PDE4B: variants seen among roughly 807,000 people sequenced by gnomAD.
PDE4B encodes the protein phosphodiesterase 4B, also known as 3',5'-cyclic-AMP phosphodiesterase 4B.
Under a neutral mutation model 82.2 loss-of-function variants are expected in PDE4B, and 20 were observed. The observed-to-expected ratio is 0.24, with a 90% CI of 0.17 to 0.35. PDE4B has a LOEUF of 0.35. Ranked by LOEUF, PDE4B falls within the 10% of genes least tolerant of loss-of-function variation. PDE4B has a pLI of 1.00. For missense variants in PDE4B, 655 were observed against 907.2 expected (o/e 0.72, Z 3.57); for synonymous variants, 320 against 318.9 (o/e 1.00, Z -0.04).
chr1:65,846,917 C>T (rs1646273855), intron 1 of PDE4B, among the ~76,000 whole-genome samples: 1 of 152,130 alleles, frequency 6.6e-6, no homozygotes, highest in Non-Finnish European at 1.5e-5. Context: ...AAAAACAGTA[C>T]ATTCTTTGTG....
chr1:65,948,378 G>A (rs1411772045), intron 3 of PDE4B, among the ~76,000 whole-genome samples: 1 of 151,900 alleles, frequency 6.6e-6, no homozygotes, highest in Non-Finnish European at 1.5e-5. Flanking sequence ...ACAATAGGAT[G>A]CCTGCAAGCT....
intron 3 of PDE4B, among the ~76,000 whole-genome samples, chr1:66,026,642 G>C (rs903846733): frequency 2.0e-5 from 3 of 152,262 alleles, no homozygotes; most frequent in African/African-American, 7.2e-5. Context: ...ACTACTATGT[G>C]GTTGCTATTA....
chr1:66,268,165 T>C (rs1655189163), intron 7 of PDE4B, among the ~76,000 whole-genome samples: 1 of 152,210 alleles, frequency 6.6e-6, no homozygotes, highest in South Asian at 2.1e-4. Flanking sequence ...CTTAGATAAC[T>C]GTATTCTTGT....
intron 3 of PDE4B, among the ~76,000 whole-genome samples, chr1:65,960,194 T>A (rs1649476677): frequency 6.6e-6 from 1 of 152,142 alleles, no homozygotes; most frequent in Non-Finnish European, 1.5e-5. Context: ...CTTTTAGAGT[T>A]GTTGTTTCAC....
chr1:66,075,513 T>G (rs1397251697), intron 3 of PDE4B, among the ~76,000 whole-genome samples: 1 of 152,126 alleles, frequency 6.6e-6, no homozygotes, highest in African/African-American at 2.4e-5. Context: ...TCCCTCTTTT[T>G]GAGAGATTTA....
intron 1 of PDE4B, among the ~76,000 whole-genome samples, chr1:65,884,197 G>A (rs945131151): frequency 9.9e-5 from 15 of 151,376 alleles, no homozygotes; most frequent in South Asian, 2.1e-4. Flanking sequence ...GGATTCCCTC[G>A]TTTTCTATTG....
upstream of PDE4B, among the ~76,000 whole-genome samples, chr1:65,792,830 A>T (rs544905778): frequency 4.6e-5 from 7 of 151,984 alleles, no homozygotes; most frequent in Non-Finnish European, 1.0e-4. Flanking sequence ...ACCAAGTGGC[A>T]CCGGCGAGCT....
intron 1 of PDE4B, among the ~76,000 whole-genome samples, chr1:65,902,977 C>T (rs1404254895): frequency 2.6e-5 from 4 of 152,084 alleles, no homozygotes; most frequent in Non-Finnish European, 5.9e-5. Context: ...AATGACAGGT[C>T]AGCTTTTATG....
At chr1:65,835,883 G>T (rs1174278778) in intron 1 of PDE4B, among the ~76,000 whole-genome samples, 1 of 151,260 alleles carries the variant, frequency 6.6e-6, no homozygotes, top group Non-Finnish European at 1.5e-5. Flanking sequence ...ATTCCCACAA[G>T]GCAAAAATCC....
chr1:66,039,444 A>G (rs147572232), intron 3 of PDE4B, among the ~76,000 whole-genome samples: 2 of 152,212 alleles, frequency 1.3e-5, no homozygotes, highest in African/African-American at 2.4e-5. Flanking sequence ...ATTATTATTC[A>G]GTTTCAGAAT....
At chr1:66,329,677 T>G (rs1034801581) in intron 7 of PDE4B, among the ~76,000 whole-genome samples, 2 of 152,236 alleles carry the variant, frequency 1.3e-5, no homozygotes, top group African/African-American at 4.8e-5. Flanking sequence ...CTGGCTACCA[T>G]CCTAGGCACT....
At chr1:66,227,894 C>T (rs750259392) in intron 3 of PDE4B, among the ~76,000 whole-genome samples, 5 of 152,190 alleles carry the variant, frequency 3.3e-5, no homozygotes, top group Non-Finnish European at 7.3e-5. Context: ...GAGGACATCT[C>T]GGGCCTTTTG....
intron 3 of PDE4B, among the ~76,000 whole-genome samples, chr1:65,961,832 G>A (rs1352988150): frequency 6.6e-6 from 1 of 152,140 alleles, no homozygotes; most frequent in African/African-American, 2.4e-5. Context: ...TGGATTGGGA[G>A]TGGAGAGAGA....
At chr1:65,861,307 C>T (rs1213407201) in intron 1 of PDE4B, among the ~76,000 whole-genome samples, 1 of 152,038 alleles carries the variant, frequency 6.6e-6, no homozygotes, top group Non-Finnish European at 1.5e-5. Context: ...AATAGAGAAT[C>T]CTTTCTCCAT....
At chr1:66,086,311 G>A (rs540940505) in intron 3 of PDE4B, among the ~76,000 whole-genome samples, 45 of 152,178 alleles carry the variant, frequency 3.0e-4, no homozygotes, top group African/African-American at 9.9e-4. Context: ...AAAATTCCTC[G>A]AAGAGCACGC....
intron 6 of PDE4B, 85 bp downstream of exon 6, chr1:66,257,948 A>C: frequency 1.1e-6 from 1 of 903,718 alleles, no homozygotes; most frequent in Non-Finnish European, 1.8e-6. Context: ...TACAACTATT[A>C]CATGGAAAAT....
intron 1 of PDE4B, among the ~76,000 whole-genome samples, chr1:65,885,403 C>G (rs1181661426): frequency 1.3e-5 from 2 of 152,146 alleles, no homozygotes; most frequent in Admixed American, 6.6e-5. Flanking sequence ...TATAAAGACA[C>G]ATGCACACGT....
At chr1:66,258,069 G>T (rs775500815) in intron 6 of PDE4B, among the ~76,000 whole-genome samples, 4 of 152,092 alleles carry the variant, frequency 2.6e-5, no homozygotes, top group Admixed American at 1.3e-4. Context: ...GGTCTTATTC[G>T]TCTTTGTACC....
At chr1:66,322,902 T>C (rs186159553) in intron 7 of PDE4B, among the ~76,000 whole-genome samples, 2 of 152,250 alleles carry the variant, frequency 1.3e-5, no homozygotes, top group African/African-American at 4.8e-5. Context: ...GATGAGGAAA[T>C]TAAGGCTTAG....
Sources: allele counts gnomAD v4.1 joint callset (sites outside exome capture counted in the v4.1 genomes callset), GRCh38; gene constraint gnomAD v4.1.1; transcripts MANE v1.5; gene names NCBI Gene and HGNC (gene_info 2026-07-23, HGNC 2026-07-21).